SRGAP3: variants seen among roughly 807,000 people sequenced by gnomAD.
The protein encoded by SRGAP3 is SLIT-ROBO Rho GTPase activating protein 3.
In SRGAP3, 39 loss-of-function variants were observed where a neutral mutation model predicts 121.1. The observed-to-expected ratio is 0.32, with a 90% CI of 0.25 to 0.42. The LOEUF is 0.42. SRGAP3 is among the 10% of genes least tolerant of loss of function. The probability of loss-of-function intolerance (pLI) is 1.00; values close to 1 mark genes in which losing one functional copy is unlikely to be tolerated. For missense variants in SRGAP3, 1,213 were observed against 1,470.6 expected (o/e 0.82, Z 2.86); for synonymous variants, 601 against 570.0 (o/e 1.05, Z -0.77).
intron 19 of SRGAP3, 66 bp downstream of exon 19, chr3:8,994,277 C>A (rs115450979): frequency 4.0e-5 from 64 of 1,600,340 alleles, no homozygotes; most frequent in East Asian, 1.1e-4. Context: ...CACTCCCCTA[C>A]GGTGCCCATC....
rs906320179 is a variant in SRGAP3 at position 9,025,465 on chromosome 3, T to A, written c.1601-127A>T. On this transcript the variant is annotated intron_variant, in intron 13 of 21. Transcript: ENST00000383836. ...TCTCCCCCGATCCTTTATAACAGAG[T>A]CGTTCCCTATGAATGTCTCCAGAAA... 2.8e-6 allele frequency: 3 copies of A among 1,073,362 alleles called. No individual in the cohort carries two copies. In the African/African-American group the frequency reaches 4.7e-5, roughly 17 times the overall value. The allele number at this position is 1,073,362 out of a possible 1,614,324, so 66.5% of individuals were successfully genotyped here.
intron 3 of SRGAP3, among the ~76,000 whole-genome samples, chr3:9,309,774 G>A (rs1210179893): frequency 6.6e-6 from 1 of 152,164 alleles, no homozygotes; most frequent in East Asian, 1.9e-4. Context: ...TGGGAGGACT[G>A]CTTGAACATG....
intron 3 of SRGAP3, among the ~76,000 whole-genome samples, chr3:9,324,211 C>T (rs549796999): frequency 1.3e-5 from 2 of 152,044 alleles, no homozygotes; most frequent in Admixed American, 1.3e-4. Context: ...TTTTGTCTGA[C>T]TATTAAGCTA....
At chr3:9,154,988 T>C (rs905294413) in intron 1 of SRGAP3, among the ~76,000 whole-genome samples, 1 of 150,780 alleles carries the variant, frequency 6.6e-6, no homozygotes, top group African/African-American at 2.5e-5. Flanking sequence ...TGGTTTGTTT[T>C]ATGTTTTTTG....
At chr3:9,142,323 C>T (rs749025017) in intron 1 of SRGAP3, among the ~76,000 whole-genome samples, 1 of 152,168 alleles carries the variant, frequency 6.6e-6, no homozygotes, top group African/African-American at 2.4e-5. Context: ...CTTGCTCACA[C>T]ATTCACTAAC....
intron 2 of SRGAP3, among the ~76,000 whole-genome samples, chr3:9,110,467 C>A (rs563879121): frequency 6.6e-6 from 1 of 152,350 alleles, no homozygotes; most frequent in South Asian, 2.1e-4. Context: ...AATGCTGTGG[C>A]CACATGGCAG....
intron 1 of SRGAP3, among the ~76,000 whole-genome samples, chr3:9,196,652 G>A (rs1206509033): frequency 6.6e-6 from 1 of 152,106 alleles, no homozygotes; most frequent in East Asian, 1.9e-4. Context: ...GCAGAAGTTT[G>A]TAACATTTCC....
At chr3:9,125,618 C>A (rs1433076923) in intron 1 of SRGAP3, among the ~76,000 whole-genome samples, 1 of 152,220 alleles carries the variant, frequency 6.6e-6, no homozygotes, top group Non-Finnish European at 1.5e-5. Context: ...CAAACCAGAT[C>A]TACGCAACCA....
At chr3:9,331,462 T>G (rs148444435) in intron 1 of SRGAP3, among the ~76,000 whole-genome samples, 1 of 152,344 alleles carries the variant, frequency 6.6e-6, no homozygotes, top group Non-Finnish European at 1.5e-5. Context: ...TCAGCTGAGC[T>G]GGCTGGCTCA....
intron 1 of SRGAP3, among the ~76,000 whole-genome samples, chr3:9,168,906 C>T (rs141874364): frequency 6.6e-6 from 1 of 152,344 alleles, no homozygotes; most frequent in East Asian, 1.9e-4. Context: ...TGGAGCCAGA[C>T]CCTGTGGTGC....
At chr3:9,058,594 G>GC in intron 6 of SRGAP3, 122 bp from the exon 7 acceptor site, 1 of 1,043,796 alleles carries the variant, frequency 9.6e-7, no homozygotes, top group Non-Finnish European at 1.4e-6. Flanking sequence ...CATCCCGGAG[G>GC]CCCCAAGGCA....
chr3:9,093,708 A>ATGC (rs1947853661), intron 3 of SRGAP3, among the ~76,000 whole-genome samples: 2 of 152,160 alleles, frequency 1.3e-5, no homozygotes. Context: ...GTATAATAAC[A>ATGC]TGCACCGTCC....
chr3:9,320,718 G>C lies in SRGAP3; in HGVS notation n.442+5292C>G, dbSNP rs542690487. On this transcript the variant is annotated intron_variant and non_coding_transcript_variant, in intron 3 of 3. Coordinates refer to the SRGAP3 transcript ENST00000490889. ...AGACTAATACAGAGACCGAGAGTGA[G>C]AGACTGTATCCTAACAACACTCCTT... is the stretch of plus-strand genomic sequence containing the variant. 6.6e-5 allele frequency among the ~76,000 whole-genome samples: 10 copies of C among 151,910 alleles called. 1 individual carries two copies. In the South Asian group the frequency reaches 1.2e-3, roughly 19 times the overall value.
Position 8,985,378 on chromosome 3 carries a change from C to T in SRGAP3, c.*141G>A. ...TGAGCTGCAGCCAGCGCCCGGGCCT[C>T]AGCTCTGCACAGACACACCCTCCCA... On this transcript the variant is annotated 3_prime_UTR_variant, in exon 22 of 22. Coordinates refer to ENST00000383836, the MANE Select transcript of SRGAP3 (RefSeq NM_014850.4). This position sits in a 1 kb window ranked among gnomAD's most constrained non-coding sequence, Gnocchi z 5.1. 1 of 1,444,832 alleles carries T rather than the reference C, an allele frequency of 6.9e-7. No homozygotes were observed. Among genetic ancestry groups the T allele is most frequent in the Non-Finnish European group, 9.1e-7 (1 of 1,102,512 alleles). The allele number at this position is 1,444,832 out of a possible 1,614,324, so 89.5% of individuals were successfully genotyped here.
intron 1 of SRGAP3, among the ~76,000 whole-genome samples, chr3:9,209,909 A>G (rs1324407137): frequency 6.6e-6 from 1 of 152,262 alleles, no homozygotes; most frequent in African/African-American, 2.4e-5. Context: ...ACCAACTGAC[A>G]AATGTGCGAT....
At chr3:9,282,765 A>AGT (rs1954704107) in intron 3 of SRGAP3, among the ~76,000 whole-genome samples, 1 of 151,980 alleles carries the variant, frequency 6.6e-6, no homozygotes. Context: ...TACAGGAGTG[A>AGT]GTCACTGTGC....
intron 3 of SRGAP3, among the ~76,000 whole-genome samples, chr3:9,263,328 A>C (rs534519817): frequency 6.6e-6 from 1 of 152,278 alleles, no homozygotes; most frequent in Non-Finnish European, 1.5e-5. Flanking sequence ...AAGAACAAAC[A>C]AATTCAAAAG....
At chr3:9,103,660 G>A (rs1213243570) in intron 3 of SRGAP3, among the ~76,000 whole-genome samples, 1 of 152,210 alleles carries the variant, frequency 6.6e-6, no homozygotes, top group Non-Finnish European at 1.5e-5. Flanking sequence ...ACCCTCCTGG[G>A]AAGTAGCTGA....
chr3:9,310,932 G>A (rs1955230241), intron 3 of SRGAP3, among the ~76,000 whole-genome samples: 1 of 152,136 alleles, frequency 6.6e-6, no homozygotes, highest in South Asian at 2.1e-4. Flanking sequence ...CACTTTGGGA[G>A]GCTGAGGTGG....
Sources: gnomAD v4.1 joint callset for allele counts (sites outside exome capture counted in the v4.1 genomes callset) on GRCh38, gnomAD v4.1.1 for gene constraint, Gnocchi (gnomAD v3.1) non-coding constraint, MANE v1.5 for transcripts, NCBI Gene and HGNC (gene_info 2026-07-23, HGNC 2026-07-21) for gene names.